Variants in ROBO1 observed in about 807,000 individuals in gnomAD.
The protein encoded by ROBO1 is roundabout homolog 1.
In ROBO1, 149 loss-of-function variants were observed where a neutral mutation model predicts 195.9. That is an observed-to-expected ratio of 0.76 (90% CI 0.67 to 0.87). The LOEUF is 0.87. ROBO1 is among the 40% of genes least tolerant of loss of function. The pLI, the probability that ROBO1 is intolerant of heterozygous loss-of-function variation, is 0.00. For synonymous variants in ROBO1, 816 were observed against 733.2 expected, an observed-to-expected ratio of 1.11 and a Z score of -1.82; for missense variants, 1,933 against 2,068.3, an observed-to-expected ratio of 0.93 and a Z score of 1.27.
chr3:79,620,675 C>T (rs1027816124), intron 1 of ROBO1, among the ~76,000 whole-genome samples: 9 of 152,022 alleles, frequency 5.9e-5, no homozygotes, highest in African/African-American at 1.9e-4. Flanking sequence ...TCACATCCTC[C>T]CCTTGTGTCT....
intron 4 of ROBO1, among the ~76,000 whole-genome samples, chr3:78,763,351 T>C (rs2083153002): frequency 6.6e-6 from 1 of 152,084 alleles, no homozygotes; most frequent in African/African-American, 2.4e-5. Flanking sequence ...GCCTCTGTAG[T>C]TGGAAGTTGT....
chr3:78,653,200 T>TTCCAGTTCCCTGCCTCCC (rs199602803), intron 18 of ROBO1, among the ~76,000 whole-genome samples: 256 of 152,136 alleles, frequency 1.7e-3, no homozygotes, highest in East Asian at 6.4e-3. Flanking sequence ...CCTTGACAAT[T>TTCCAGTTCCCTGCCTCCC]TCCAGTTCCC....
At chr3:79,736,782 A>T (rs1180118054) in intron 1 of ROBO1, among the ~76,000 whole-genome samples, 1 of 152,156 alleles carries the variant, frequency 6.6e-6, no homozygotes, top group Non-Finnish European at 1.5e-5. Flanking sequence ...TTTAAAGTGG[A>T]GCTCCGAAGT....
intron 2 of ROBO1, among the ~76,000 whole-genome samples, chr3:79,225,043 A>G (rs778750819): frequency 2.6e-5 from 4 of 152,154 alleles, no homozygotes; most frequent in Non-Finnish European, 5.9e-5. Context: ...GCGGTAAAAG[A>G]GTGAGCCATG....
chr3:78,657,265 C>T lies in ROBO1; in HGVS notation c.2447G>A (p.Trp816Ter), dbSNP rs771795056. ...QNGMVQEYKV[W>*]CLGNETRYHI... Reference sequence around the variant, plus strand: ...GTATCGAGTTTCATTGCCCAGACACCAAACCTGTAAGAAGCACATCACAAA... The same window carrying T: ...GTATCGAGTTTCATTGCCCAGACACTAAACCTGTAAGAAGCACATCACAAA... The change falls in exon 18 of 31, where the codon TGG becomes TAG. Residue 816 changes from tryptophan (W) to a stop codon, truncating the protein, a stop_gained. Coordinates refer to ENST00000464233, the MANE Select transcript of ROBO1 (RefSeq NM_002941.4). LOFTEE classifies it high-confidence loss of function. 2 of 1,613,308 alleles carry T rather than the reference C, an allele frequency of 1.2e-6. No homozygotes were observed. The highest frequency in any genetic ancestry group is 2.2e-5 in the East Asian group (1 of 44,846).
intron 2 of ROBO1, among the ~76,000 whole-genome samples, chr3:79,455,754 T>A (rs2039599096): frequency 6.6e-6 from 1 of 152,146 alleles, no homozygotes; most frequent in Non-Finnish European, 1.5e-5. Flanking sequence ...TACTGCACTT[T>A]TCTGCCATGA....
At chr3:78,863,074 C>T (rs915536736) in intron 4 of ROBO1, among the ~76,000 whole-genome samples, 2 of 152,134 alleles carry the variant, frequency 1.3e-5, no homozygotes, top group African/African-American at 4.8e-5. Flanking sequence ...ACAGTGATTA[C>T]GGAAAGTCAT....
chr3:78,960,576 C>G (rs956621079), intron 3 of ROBO1, among the ~76,000 whole-genome samples: 1 of 151,768 alleles, frequency 6.6e-6, no homozygotes, highest in Non-Finnish European at 1.5e-5. Flanking sequence ...GTCAAGAGAT[C>G]GAGACCATCC....
intron 2 of ROBO1, among the ~76,000 whole-genome samples, chr3:79,576,470 T>G (rs1404844157): frequency 1.3e-5 from 2 of 152,090 alleles, no homozygotes; most frequent in East Asian, 3.9e-4. Flanking sequence ...TTGTATTAGA[T>G]ACTTTACAAT....
chr3:78,817,856 A>T (rs1416074887), intron 4 of ROBO1, among the ~76,000 whole-genome samples: 2 of 152,202 alleles, frequency 1.3e-5, no homozygotes, highest in Non-Finnish European at 2.9e-5. Context: ...TTAAGTAAAA[A>T]GATGGGAGTC....
Position 79,157,358 on chromosome 3 carries a change from C to T in ROBO1, c.89-31819G>A, listed in dbSNP as rs2080877363. 3.9e-5 allele frequency among the ~76,000 whole-genome samples: 6 copies of T among 152,020 alleles called. 1 individual carries two copies. The South Asian group carries it at 1.2e-3, about 32-fold the overall frequency. ...TGAAGCAGAGTGGTGGAAGCTGGCA[C>T]ACCAGTTACAGATCCTTGTTTAGAA... On this transcript the variant is annotated intron_variant, in intron 2 of 30. Coordinates refer to ENST00000464233, the MANE Select transcript of ROBO1 (RefSeq NM_002941.4).
intron 3 of ROBO1, among the ~76,000 whole-genome samples, chr3:79,075,839 TA>T (rs1222895949): frequency 6.6e-6 from 1 of 151,888 alleles, no homozygotes; most frequent in Non-Finnish European, 1.5e-5. Context: ...AATTATAGTA[TA>T]ATTTATATTG....
At chr3:79,047,694 G>A (rs1472257014) in intron 3 of ROBO1, among the ~76,000 whole-genome samples, 1 of 152,074 alleles carries the variant, frequency 6.6e-6, no homozygotes, top group East Asian at 1.9e-4. Context: ...AGTATGTCAT[G>A]TGTCACTATA....
intron 3 of ROBO1, among the ~76,000 whole-genome samples, chr3:79,110,019 A>G (rs759260461): frequency 1.3e-5 from 2 of 152,108 alleles, no homozygotes; most frequent in Non-Finnish European, 2.9e-5. Context: ...ATGAGAAGCA[A>G]CTGAGAATAG....
intron 4 of ROBO1, among the ~76,000 whole-genome samples, chr3:78,930,778 T>A (rs1449565533): frequency 1.3e-5 from 2 of 152,344 alleles, no homozygotes; most frequent in Admixed American, 6.5e-5. Flanking sequence ...CCTGGAATAC[T>A]AGAATAGCCT....
In ROBO1 at chr3:78,688,765, T is replaced by C; in HGVS notation, c.1053A>G (p.Pro351=). ...GGTCACGGGGTTTCACAACAAAATG[T>C]GGAGGTTCTGAAGGAGGTGAAACAA... ...ASATLTVQEP[P]HFVVKPRDQV... The change falls in exon 9 of 31, where the codon CCA becomes CCG. Residue 351 remains proline (P), a synonymous_variant. Coordinates refer to ENST00000464233, the MANE Select transcript of ROBO1 (RefSeq NM_002941.4). 2 of 1,608,282 alleles carry C rather than the reference T, an allele frequency of 1.2e-6. No individual in the cohort carries two copies. Among genetic ancestry groups the C allele is most frequent in the Non-Finnish European group, 1.7e-6 (2 of 1,177,182 alleles).
intron 4 of ROBO1, among the ~76,000 whole-genome samples, chr3:78,805,040 C>T (rs575353225): frequency 6.6e-6 from 1 of 152,068 alleles, no homozygotes; most frequent in Admixed American, 6.6e-5. Flanking sequence ...ATGCCCCTTT[C>T]CAAGTAACTA....
rs556081349 is a variant in ROBO1 at position 78,844,446 on chromosome 3, A to G, written c.499+94155T>C. On this transcript the variant is annotated intron_variant, in intron 4 of 30. Transcript: ENST00000464233. ...GGACCTATTAGAAAAGAAGTTTGTG[A>G]TATGCCGTAATTTTACAGGAACAAA... Among the ~76,000 whole-genome samples the G allele has an allele frequency of 7.9e-5, 12 of 152,184 alleles. No homozygotes were observed. In the South Asian group the frequency reaches 1.0e-3, roughly 13 times the overall value.
At chr3:78,968,399 G>A (rs887455000) in intron 3 of ROBO1, among the ~76,000 whole-genome samples, 5 of 151,184 alleles carry the variant, frequency 3.3e-5, no homozygotes, top group African/African-American at 1.2e-4. Context: ...CGAATAGCTG[G>A]GATTATAGGT....
Sources: allele counts gnomAD v4.1 joint callset (sites outside exome capture counted in the v4.1 genomes callset), GRCh38; gene constraint gnomAD v4.1.1; transcripts MANE v1.5; gene names NCBI Gene and HGNC (gene_info 2026-07-23, HGNC 2026-07-21).